Variants in LRMDA observed in about 807,000 individuals in gnomAD.
The protein encoded by LRMDA is leucine-rich melanocyte differentiation-associated protein.
LRMDA carries 18 observed loss-of-function variants against 29.8 expected under a neutral mutation model. The ratio of observed to expected loss-of-function variants is 0.60; its 90% confidence interval spans 0.42 to 0.90. LRMDA has a LOEUF of 0.90. Ranked by LOEUF, LRMDA falls within the 40% of genes least tolerant of loss-of-function variation. The pLI is 0.00. For missense variants in LRMDA, 273 were observed against 273.9 expected (o/e 1.00, Z 0.02); for synonymous variants, 125 against 109.4 (o/e 1.14, Z -0.89).
At chr10:75,891,614 G>T (rs1348733333) in intron 2 of LRMDA, among the ~76,000 whole-genome samples, 1 of 152,140 alleles carries the variant, frequency 6.6e-6, no homozygotes, top group Non-Finnish European at 1.5e-5. Flanking sequence ...TATATTAGAG[G>T]GGAAGCCATT....
intron 2 of LRMDA, among the ~76,000 whole-genome samples, chr10:75,706,789 A>G (rs577624888): frequency 7.1e-6 from 1 of 141,312 alleles, no homozygotes; most frequent in South Asian, 2.2e-4. Flanking sequence ...TTTATACCTG[A>G]GGCCATCCAG....
At chr10:76,532,615 C>G (rs189373922) in intron 6 of LRMDA, among the ~76,000 whole-genome samples, 4 of 152,264 alleles carry the variant, frequency 2.6e-5, no homozygotes, top group Admixed American at 6.5e-5. Context: ...AAAGAGAAAA[C>G]AAGGAACCAT....
chr10:75,996,889 T>C (rs1374149303), intron 2 of LRMDA, among the ~76,000 whole-genome samples: 8 of 151,986 alleles, frequency 5.3e-5, no homozygotes, highest in East Asian at 1.9e-4. Flanking sequence ...CCCGCCACCA[T>C]GCCCGGCTAA....
At chr10:76,300,061 C>T (rs758011692) in intron 5 of LRMDA, among the ~76,000 whole-genome samples, 1 of 152,166 alleles carries the variant, frequency 6.6e-6, no homozygotes, top group Non-Finnish European at 1.5e-5. Flanking sequence ...CTTATCTCTT[C>T]CTTGTATAGG....
chr10:76,091,864 A>AT (rs200119298), intron 5 of LRMDA, among the ~76,000 whole-genome samples: 2,016 of 128,356 alleles, frequency 0.016, 22 homozygotes, highest in South Asian at 0.022. Flanking sequence ...TTAAAAAAAA[A>AT]ATTTTTTTGT....
chr10:75,665,270 ACTGAAGC>A (rs1841807932), intron 2 of LRMDA, among the ~76,000 whole-genome samples: 1 of 152,190 alleles, frequency 6.6e-6, no homozygotes, highest in African/African-American at 2.4e-5. Context: ...AGATGAGGAA[ACTGAAGC>A]CTAGAGCAGA....
chr10:75,719,870 G>A (rs896971708), intron 2 of LRMDA, among the ~76,000 whole-genome samples: 2 of 152,166 alleles, frequency 1.3e-5, no homozygotes, highest in African/African-American at 4.8e-5. Context: ...GGATATGGTA[G>A]GAGATAATCT....
chr10:76,290,894 G>A (rs1294756533), intron 5 of LRMDA, among the ~76,000 whole-genome samples: 1 of 152,202 alleles, frequency 6.6e-6, no homozygotes. Flanking sequence ...TATGTGTGAT[G>A]TGAAAAAGAG....
At chr10:75,559,903 G>C (rs2132061043) in intron 2 of LRMDA, among the ~76,000 whole-genome samples, 1 of 107,768 alleles carries the variant, frequency 9.3e-6, no homozygotes, top group African/African-American at 2.6e-5. Context: ...TCTCTGTTTT[G>C]GTACCAGTAC....
chr10:76,303,246 C>T (rs947095950), intron 5 of LRMDA, among the ~76,000 whole-genome samples: 2 of 137,790 alleles, frequency 1.5e-5, no homozygotes, highest in Admixed American at 7.7e-5. Flanking sequence ...GTAATTAAAT[C>T]GTGTTTTTGA....
rs191371407 is a variant in LRMDA, at chr10:76,012,224, G to A, written c.132-23784G>A. On this transcript the variant is annotated intron_variant, in intron 2 of 6. Transcript: ENST00000611255. ...CTGCACTGGGTTCCTCTCCTCGATG[G>A]ACCACTGTCTTCCAACCAGAGTTTT... 2.0e-3 allele frequency among the ~76,000 whole-genome samples: 302 copies of A among 152,298 alleles called. 3 individuals carry two copies. Among genetic ancestry groups the A allele is most frequent in the Middle Eastern group, 0.017 (5 of 294 alleles).
Position 75,839,656 on chromosome 10 carries a change from C to A in LRMDA, c.132-196352C>A, listed in dbSNP as rs145257576. ...GAATGAAAAGCTTTATGGCTTTTGA[C>A]CTTGCTACCTTCCAATTCTACTCCT... On this transcript the variant is annotated intron_variant, in intron 2 of 6. Coordinates refer to ENST00000611255, the MANE Select transcript of LRMDA (RefSeq NM_001305581.2). Among the ~76,000 whole-genome samples, 287 of 149,510 alleles carry A rather than the reference C, an allele frequency of 1.9e-3. 1 individual carries two copies. Among genetic ancestry groups the A allele is most frequent in the Non-Finnish European group, 3.6e-3 (245 of 67,620 alleles).
chr10:75,911,732 CAGAT>C (rs953694652), intron 2 of LRMDA, among the ~76,000 whole-genome samples: 4 of 152,122 alleles, frequency 2.6e-5, no homozygotes, highest in African/African-American at 9.7e-5. Context: ...TCTACTGTGT[CAGAT>C]AGAAAATAAA....
At chr10:76,365,533 C>T (rs555741083) in intron 6 of LRMDA, among the ~76,000 whole-genome samples, 63 of 152,162 alleles carry the variant, frequency 4.1e-4, no homozygotes, top group African/African-American at 1.5e-3. Context: ...GTTTGTTGGC[C>T]ATTTGTATAT....
chr10:76,074,326 G>C (rs1435032126), intron 5 of LRMDA, among the ~76,000 whole-genome samples: 1 of 152,106 alleles, frequency 6.6e-6, no homozygotes, highest in Non-Finnish European at 1.5e-5. Flanking sequence ...TTGTTTTTCG[G>C]GGGGTGGGAG....
chr10:76,430,585 T>A (rs1842180327), intron 6 of LRMDA, among the ~76,000 whole-genome samples: 1 of 152,184 alleles, frequency 6.6e-6, no homozygotes, highest in South Asian at 2.1e-4. Flanking sequence ...GAGAGCTGGA[T>A]TTTTGTCTCC....
At chr10:76,212,363 T>C (rs951463772) in intron 5 of LRMDA, among the ~76,000 whole-genome samples, 3 of 152,054 alleles carry the variant, frequency 2.0e-5, no homozygotes, top group Non-Finnish European at 4.4e-5. Context: ...AAAATCATTA[T>C]GGAAAAGTAG....
intron 6 of LRMDA, among the ~76,000 whole-genome samples, chr10:76,458,233 G>T (rs1181926954): frequency 6.6e-6 from 1 of 151,922 alleles, no homozygotes; most frequent in Non-Finnish European, 1.5e-5. Context: ...CTCCAGACAA[G>T]GGTGGGTTGT....
chr10:76,494,679 A>G (rs1206015145), intron 6 of LRMDA, among the ~76,000 whole-genome samples: 1 of 151,764 alleles, frequency 6.6e-6, no homozygotes, highest in Admixed American at 6.6e-5. Flanking sequence ...TTACAAGTTT[A>G]TAAATGTGGA....
Sources: gnomAD v4.1 joint callset for allele counts (sites outside exome capture counted in the v4.1 genomes callset) on GRCh38, gnomAD v4.1.1 for gene constraint, MANE v1.5 for transcripts, NCBI Gene and HGNC (gene_info 2026-07-23, HGNC 2026-07-21) for gene names.